The following DLG2 variants were observed in gnomAD, a reference collection of about 807,000 sequenced individuals.
The protein encoded by DLG2 is discs large MAGUK scaffold protein 2.
Under a neutral mutation model 132.5 loss-of-function variants are expected in DLG2, and 45 were observed. The ratio of observed to expected loss-of-function variants is 0.34; its 90% CI spans 0.27 to 0.44. The LOEUF is 0.44. Among genes scored for constraint, DLG2 ranks in the 20% least tolerant of loss-of-function variants. DLG2 has a pLI of 1.00. For missense variants in DLG2, 1,045 were observed against 1,196.9 expected (o/e 0.87, Z 1.87); for synonymous variants, 424 against 419.6 (o/e 1.01, Z -0.13).
intron 9 of DLG2, among the ~76,000 whole-genome samples, chr11:84,150,862 C>G (rs1184791132): frequency 6.6e-6 from 1 of 152,110 alleles, no homozygotes; most frequent in Non-Finnish European, 1.5e-5. Context: ...CTATTGAGAT[C>G]ATCATATGAA....
At chr11:83,788,316 G>A (rs1465374183) in intron 17 of DLG2, among the ~76,000 whole-genome samples, 1 of 151,868 alleles carries the variant, frequency 6.6e-6, no homozygotes, top group African/African-American at 2.4e-5. Flanking sequence ...AATTTTCCTT[G>A]CCTCATCCCT....
chr11:83,514,724 G>C (rs970838832), intron 21 of DLG2, among the ~76,000 whole-genome samples: 4 of 152,110 alleles, frequency 2.6e-5, no homozygotes, highest in Non-Finnish European at 5.9e-5. Flanking sequence ...AATTTATTGA[G>C]AGTTTTTAGC....
intron 3 of DLG2, among the ~76,000 whole-genome samples, chr11:85,548,666 G>A (rs2076477628): frequency 6.6e-6 from 1 of 152,184 alleles, no homozygotes. Context: ...GGCTGTGCCT[G>A]TTTTTCAGAG....
In DLG2 at chr11:84,655,738, G is replaced by T. The variant is rs1303796812; in HGVS notation, c.358-121007C>A. 5.1e-4 allele frequency among the ~76,000 whole-genome samples: 69 copies of T among 135,056 alleles called. 1 individual carries two copies. The East Asian group carries it at 5.1e-3, about 10-fold the overall frequency. 88.6% of individuals were successfully genotyped at this position (135,056 alleles called of 152,430 possible). A position where few individuals can be genotyped will look rare whatever the true frequency, so the allele number is the denominator to read the frequency against. On this transcript the variant is annotated intron_variant, in intron 6 of 27. Coordinates refer to ENST00000376104, the MANE Select transcript of DLG2 (RefSeq NM_001142699.3). ...AACTGTACTTTGTTTTTTTTTGTTTGTTTTTTTTTTTTTTCATGGAGTGGT... is the reference window on the plus strand; with the variant it reads ...AACTGTACTTTGTTTTTTTTTGTTTTTTTTTTTTTTTTTTCATGGAGTGGT...
chr11:85,145,565 C>G (rs1424326447), intron 5 of DLG2, among the ~76,000 whole-genome samples: 4 of 151,918 alleles, frequency 2.6e-5, no homozygotes, highest in Non-Finnish European at 5.9e-5. Flanking sequence ...AGCCTGTCTT[C>G]AATCTCACCA....
chr11:84,468,627 G>T (rs1352313810), intron 7 of DLG2, among the ~76,000 whole-genome samples: 1 of 151,440 alleles, frequency 6.6e-6, no homozygotes, highest in East Asian at 1.9e-4. Flanking sequence ...GTCCATAACT[G>T]GGTCCTTATC....
chr11:84,434,918 G>GAAAAAAAAAAA (rs770101910), intron 7 of DLG2, among the ~76,000 whole-genome samples: 2 of 79,260 alleles, frequency 2.5e-5, no homozygotes, highest in African/African-American at 4.0e-5. Flanking sequence ...GTCACCTACT[G>GAAAAAAAAAAA]AAAAAAAAAA....
chr11:84,847,711 T>G (rs1265773244), intron 6 of DLG2, among the ~76,000 whole-genome samples: 2 of 152,210 alleles, frequency 1.3e-5, no homozygotes, highest in African/African-American at 4.8e-5. Context: ...TCAGAAAAAT[T>G]TGAGGCCATG....
At chr11:83,652,754 G>A (rs1300944713) in intron 18 of DLG2, among the ~76,000 whole-genome samples, 1 of 152,164 alleles carries the variant, frequency 6.6e-6, no homozygotes, top group Non-Finnish European at 1.5e-5. Flanking sequence ...TAGCCCTTCT[G>A]TGTATAGTGT....
intron 3 of DLG2, among the ~76,000 whole-genome samples, chr11:85,352,838 A>T (rs561947538): frequency 3.9e-5 from 6 of 152,364 alleles, no homozygotes; most frequent in Non-Finnish European, 7.3e-5. Flanking sequence ...AAATTAATTT[A>T]TGATAGATTA....
At chr11:83,661,225 T>C (rs1487283176) in intron 18 of DLG2, among the ~76,000 whole-genome samples, 2 of 152,168 alleles carry the variant, frequency 1.3e-5, no homozygotes, top group Non-Finnish European at 2.9e-5. Context: ...AGTGCAATGA[T>C]CTTGGGTGAG....
intron 6 of DLG2, among the ~76,000 whole-genome samples, chr11:84,547,892 C>T (rs2099393436): frequency 6.6e-6 from 1 of 152,144 alleles, no homozygotes. Context: ...CTGTGTACTC[C>T]ACCATGACTA....
At chr11:85,104,359 A>G (rs2071345709) in intron 6 of DLG2, among the ~76,000 whole-genome samples, 1 of 152,010 alleles carries the variant, frequency 6.6e-6, no homozygotes, top group Non-Finnish European at 1.5e-5. Flanking sequence ...ATACTCATAC[A>G]ATGAAATATT....
intron 7 of DLG2, among the ~76,000 whole-genome samples, chr11:84,404,872 A>G (rs140909348): frequency 1.3e-3 from 193 of 152,314 alleles, no homozygotes; most frequent in African/African-American, 4.5e-3. Context: ...ATATTTTAAC[A>G]TTTCTAGATA....
intron 9 of DLG2, among the ~76,000 whole-genome samples, chr11:84,136,924 G>A (rs10501555): frequency 0.85 from 129,180 of 152,046 alleles, 55,220 homozygotes; most frequent in Middle Eastern, 0.93. Context: ...ATTTCTACCA[G>A]GGATTCTGGC....
chr11:84,319,425 T>C (rs2098390460), intron 7 of DLG2, among the ~76,000 whole-genome samples: 2 of 152,218 alleles, frequency 1.3e-5, no homozygotes, highest in Admixed American at 6.5e-5. Flanking sequence ...TAACCATAGA[T>C]GCTTCTCTAG....
chr11:85,152,902 A>T (rs1475108766), intron 5 of DLG2, among the ~76,000 whole-genome samples: 1 of 152,120 alleles, frequency 6.6e-6, no homozygotes, highest in East Asian at 1.9e-4. Context: ...ACCAGTTTTA[A>T]TTCATAAGAT....
chr11:84,586,874 A>T (rs184984607), intron 6 of DLG2, among the ~76,000 whole-genome samples: 1 of 152,184 alleles, frequency 6.6e-6, no homozygotes, highest in Non-Finnish European at 1.5e-5. Flanking sequence ...ATCCTCCAAA[A>T]AAGTACAAAG....
intron 6 of DLG2, among the ~76,000 whole-genome samples, chr11:84,649,124 A>G (rs981458044): frequency 1.3e-5 from 2 of 151,986 alleles, no homozygotes; most frequent in South Asian, 2.1e-4. Flanking sequence ...AATTGGGGCC[A>G]TTTTTCTTTG....
Sources: gnomAD v4.1 joint callset for allele counts (sites outside exome capture counted in the v4.1 genomes callset) on GRCh38, gnomAD v4.1.1 for gene constraint, MANE v1.5 for transcripts, NCBI Gene and HGNC (gene_info 2026-07-23, HGNC 2026-07-21) for gene names.